Variants in CNTN5 observed in about 807,000 individuals in gnomAD.
CNTN5 encodes the protein contactin-5.
CNTN5 carries 77 observed loss-of-function variants against 129.1 expected under a neutral mutation model. The observed-to-expected ratio is 0.60, with a 90% confidence interval of 0.50 to 0.72. CNTN5 has a LOEUF of 0.72. Among genes scored for constraint, CNTN5 ranks in the 30% least tolerant of loss-of-function variants. The pLI is 0.00. For synonymous variants in CNTN5, 509 were observed against 465.6 expected, an observed-to-expected ratio of 1.09 and a Z score of -1.20; for missense variants, 1,478 against 1,328.8, an observed-to-expected ratio of 1.11 and a Z score of -1.75.
intron 3 of CNTN5, among the ~76,000 whole-genome samples, chr11:99,628,444 T>C (rs1209897019): frequency 6.6e-6 from 1 of 152,080 alleles, no homozygotes; most frequent in Non-Finnish European, 1.5e-5. Flanking sequence ...GAGATCATGT[T>C]GCATTATTTA....
chr11:99,108,048 T>C (rs978271743), intron 1 of CNTN5, among the ~76,000 whole-genome samples: 7 of 152,060 alleles, frequency 4.6e-5, no homozygotes, highest in Non-Finnish European at 1.0e-4. Flanking sequence ...GATGTGTGTA[T>C]TCCTTTTTAG....
intron 1 of CNTN5, among the ~76,000 whole-genome samples, chr11:99,240,661 C>A (rs946945487): frequency 2.0e-5 from 3 of 152,138 alleles, no homozygotes; most frequent in Middle Eastern, 6.8e-3. Context: ...AAGTTTTTAT[C>A]ATTTTTCTTA....
intron 3 of CNTN5, among the ~76,000 whole-genome samples, chr11:99,579,047 A>G (rs1473750209): frequency 1.3e-5 from 2 of 152,082 alleles, no homozygotes; most frequent in Non-Finnish European, 2.9e-5. Flanking sequence ...CTTTCTACAT[A>G]TGGCTAGCCA....
chr11:100,255,826 G>A lies in CNTN5; in HGVS notation c.2072G>A (p.Trp691Ter). ...ACCGAAAGTACGGCCACACTGTCCT[G>A]GAGCCCAGCAGCTGACAACCACAGC... ...EITESTATLSWSPAADNHSPI... is the reference protein window; with the variant it reads ...EITESTATLS The change falls in exon 17 of 25, where the codon TGG becomes TAG. Residue 691 changes from tryptophan (W) to a stop codon, truncating the protein, a stop_gained. Transcript: ENST00000524871. LOFTEE classifies it high-confidence loss of function. The A allele has an allele frequency of 6.2e-7, 1 of 1,613,880 alleles. No homozygotes were observed. Among genetic ancestry groups the A allele is most frequent in the Non-Finnish European group, 8.5e-7 (1 of 1,179,850 alleles).
At chr11:100,180,315 T>A (rs1253831705) in intron 13 of CNTN5, among the ~76,000 whole-genome samples, 1 of 151,936 alleles carries the variant, frequency 6.6e-6, no homozygotes, top group East Asian at 1.9e-4. Flanking sequence ...CCCACATAAA[T>A]ATGCTCAACT....
At chr11:99,875,634 A>G (rs957927542) in intron 6 of CNTN5, among the ~76,000 whole-genome samples, 23 of 152,048 alleles carry the variant, frequency 1.5e-4, no homozygotes, top group African/African-American at 5.6e-4. Context: ...AATCTCTCAT[A>G]TTATTTTGTA....
chr11:100,144,879 TTTCC>T (rs1946801030), intron 13 of CNTN5, among the ~76,000 whole-genome samples: 1 of 152,002 alleles, frequency 6.6e-6, no homozygotes, highest in Non-Finnish European at 1.5e-5. Context: ...TCCTTCCTTC[TTTCC>T]TTCCTTCCTC....
At chr11:99,218,180 TC>T (rs1314223015) in intron 1 of CNTN5, among the ~76,000 whole-genome samples, 3 of 152,134 alleles carry the variant, frequency 2.0e-5, no homozygotes, top group African/African-American at 7.2e-5. Flanking sequence ...TTTTCGTAGT[TC>T]TATTTATAAT....
At chr11:99,920,706 A>G (rs1432984746) in intron 7 of CNTN5, among the ~76,000 whole-genome samples, 2 of 152,138 alleles carry the variant, frequency 1.3e-5, no homozygotes, top group South Asian at 2.1e-4. Context: ...GTGTACTCAC[A>G]TGGTGGAAGG....
At chr11:99,601,981 C>T (rs1950325644) in intron 3 of CNTN5, among the ~76,000 whole-genome samples, 1 of 151,974 alleles carries the variant, frequency 6.6e-6, no homozygotes, top group African/African-American at 2.4e-5. Flanking sequence ...CTATATATAC[C>T]TATATACCTA....
intron 1 of CNTN5, among the ~76,000 whole-genome samples, chr11:99,199,037 A>G (rs1461991430): frequency 6.6e-6 from 1 of 152,204 alleles, no homozygotes; most frequent in Non-Finnish European, 1.5e-5. Flanking sequence ...AATATTACTG[A>G]TGATGATGCC....
At chr11:99,793,900 A>G (rs181011283) in intron 3 of CNTN5, among the ~76,000 whole-genome samples, 1 of 152,316 alleles carries the variant, frequency 6.6e-6, no homozygotes, top group Admixed American at 6.5e-5. Flanking sequence ...TTGTTTTTGT[A>G]TGGAGAGTTC....
intron 1 of CNTN5, among the ~76,000 whole-genome samples, chr11:99,129,913 T>C (rs536004053): frequency 2.0e-5 from 3 of 152,204 alleles, no homozygotes; most frequent in Non-Finnish European, 2.9e-5. Flanking sequence ...AAGCAAATGC[T>C]GAGGGACTTC....
intron 2 of CNTN5, among the ~76,000 whole-genome samples, chr11:99,436,270 A>C (rs1463112772): frequency 6.6e-6 from 1 of 152,090 alleles, no homozygotes; most frequent in African/African-American, 2.4e-5. Flanking sequence ...GGAGAATCCT[A>C]TGAGATAGAA....
At chr11:99,247,453 TTTATTATTA>T (rs111433002) in intron 1 of CNTN5, among the ~76,000 whole-genome samples, 3 of 150,372 alleles carry the variant, frequency 2.0e-5, no homozygotes, top group Admixed American at 6.6e-5. Context: ...CTACATTTCT[TTTATTATTA>T]TTATTATTAT....
At chr11:99,283,174 C>G (rs543085511) in intron 1 of CNTN5, among the ~76,000 whole-genome samples, 1 of 152,200 alleles carries the variant, frequency 6.6e-6, no homozygotes, top group African/African-American at 2.4e-5. Context: ...ACCACTACCT[C>G]TGGGAAGAAT....
chr11:100,010,401 G>A (rs939006274), intron 9 of CNTN5, among the ~76,000 whole-genome samples: 4 of 152,088 alleles, frequency 2.6e-5, no homozygotes, highest in African/African-American at 4.8e-5. Context: ...AGGAATGGAC[G>A]AAGTGGGACA....
chr11:99,879,795 A>G (rs1948725345), intron 6 of CNTN5, among the ~76,000 whole-genome samples: 1 of 152,202 alleles, frequency 6.6e-6, no homozygotes, highest in African/African-American at 2.4e-5. Flanking sequence ...AAAGAAAGAG[A>G]TTAAGAAACT....
At chr11:99,787,705 G>A (rs558676117) in intron 3 of CNTN5, among the ~76,000 whole-genome samples, 4 of 152,030 alleles carry the variant, frequency 2.6e-5, no homozygotes, top group Non-Finnish European at 5.9e-5. Flanking sequence ...ATGACATAAA[G>A]TACATGATTT....
Sources: allele counts gnomAD v4.1 joint callset (sites outside exome capture counted in the v4.1 genomes callset), GRCh38; gene constraint gnomAD v4.1.1; transcripts MANE v1.5; gene names NCBI Gene and HGNC (gene_info 2026-07-23, HGNC 2026-07-21).